The following ADAMDEC1 variants were observed in gnomAD, a reference collection of about 807,000 sequenced individuals.
The protein encoded by ADAMDEC1 is ADAM like decysin 1.
Under a neutral mutation model 60.4 loss-of-function variants are expected in ADAMDEC1, and 62 were observed. That is an observed-to-expected ratio of 1.03 (90% CI 0.84 to 1.27). The LOEUF is 1.27. Ranked by LOEUF, ADAMDEC1 falls within the 50% of genes most tolerant of loss-of-function variation. The pLI, the probability that ADAMDEC1 is intolerant of heterozygous loss-of-function variation, is 0.00. For missense variants in ADAMDEC1, 595 were observed against 565.0 expected, an observed-to-expected ratio of 1.05 and a Z score of -0.54; for synonymous variants, 210 against 195.1, an observed-to-expected ratio of 1.08 and a Z score of -0.64.
chr8:24,403,960 A>G, intron 12 of ADAMDEC1, 43 bp from the exon 13 acceptor site: 1 of 1,559,498 alleles, frequency 6.4e-7, no homozygotes, highest in Non-Finnish European at 8.8e-7. Flanking sequence ...TATGGGAAGA[A>G]AATGTTGAAC....
chr8:24,397,679 A>G lies in ADAMDEC1; in HGVS notation c.628-4A>G. 8 of 1,610,066 alleles carry G rather than the reference A, an allele frequency of 5.0e-6. No individual in the cohort carries two copies. Among genetic ancestry groups the G allele is most frequent in the Non-Finnish European group, 6.8e-6 (8 of 1,176,856 alleles). ...TTAACAATGTTCTTTTATTCTTTGT[A>G]AAGAAAGAAGACTTTCTTCGGGCAC... On this transcript the variant is annotated splice_region_variant and splice_polypyrimidine_tract_variant and intron_variant, in intron 6 of 13. Transcript: ENST00000256412.
intron 1 of ADAMDEC1, among the ~76,000 whole-genome samples, chr8:24,390,471 C>T (rs1283037240): frequency 1.3e-5 from 2 of 152,096 alleles, no homozygotes; most frequent in Non-Finnish European, 2.9e-5. Context: ...GCCTGTAATC[C>T]CAGCACTTTA....
chr8:24,384,760 G>A (rs1245648795), intron 1 of ADAMDEC1, among the ~76,000 whole-genome samples, 168 bp downstream of exon 1: 1 of 152,116 alleles, frequency 6.6e-6, no homozygotes, highest in Non-Finnish European at 1.5e-5. Flanking sequence ...ATATACATAA[G>A]TATGTGTATC....
chr8:24,402,134 T>G (rs1260556886), intron 12 of ADAMDEC1, 42 bp downstream of exon 12: 1 of 1,488,024 alleles, frequency 6.7e-7, no homozygotes, highest in Non-Finnish European at 9.0e-7. Flanking sequence ...AATTATGCAG[T>G]TTTCTTTTTG....
At chr8:24,387,418 T>C (rs939094149) in intron 1 of ADAMDEC1, 8 of 151,674 alleles carry the variant, frequency 5.3e-5, no homozygotes, top group African/African-American at 1.9e-4. Context: ...CTGTGTAGAG[T>C]GGGGACAAAG....
At position 24,394,010 on chromosome 8, in the gene ADAMDEC1, A is replaced by G. The variant is rs1035141829; in HGVS notation, c.285-59A>G. On this transcript the variant is annotated intron_variant, in intron 3 of 13. Coordinates refer to ENST00000256412, the MANE Select transcript of ADAMDEC1 (RefSeq NM_014479.3). ...TATCACTATTTTAGTGCTGAAGTTC[A>G]GGAAGTTCTGCCTTTCTTACCATCC... 188 of 1,156,696 alleles carry G rather than the reference A, an allele frequency of 1.6e-4. 3 individuals carry two copies. The South Asian group carries it at 1.7e-3, about 10-fold the overall frequency. The allele number at this position is 1,156,696 out of a possible 1,614,324, so 71.7% of individuals were successfully genotyped here.
intron 4 of ADAMDEC1, 47 bp from the exon 5 acceptor site, chr8:24,395,669 TACAC>T (rs3830352): frequency 9.5e-5 from 108 of 1,140,434 alleles, no homozygotes; most frequent in Middle Eastern, 5.0e-4. Context: ...CACACTCACA[TACAC>T]ACACACACAC....
At chr8:24,403,676 G>C (rs1034792770) in intron 12 of ADAMDEC1, among the ~76,000 whole-genome samples, 1 of 151,926 alleles carries the variant, frequency 6.6e-6, no homozygotes, top group Non-Finnish European at 1.5e-5. Context: ...CTTTTGAAAG[G>C]CTTTCTAAAT....
Position 24,395,831 on chromosome 8 carries a change from A to C in ADAMDEC1, c.440+35A>C. ...ACCATCAAAATTACTCAAGATCAAG[A>C]AGCTTTTTGTTACACAGAATTAAGG... On this transcript the variant is annotated intron_variant, in intron 5 of 13. Coordinates refer to ENST00000256412, the MANE Select transcript of ADAMDEC1 (RefSeq NM_014479.3). The C allele has an allele frequency of 2.6e-6, 4 of 1,535,454 alleles. No homozygotes were observed. In the African/African-American group the frequency reaches 4.1e-5, roughly 16 times the overall value.
rs777165062 is a variant in ADAMDEC1 at position 24,399,020 on chromosome 8, C to T, written c.909C>T (p.His303=). 56 of 1,612,996 alleles carry T rather than the reference C, an allele frequency of 3.5e-5. No homozygotes were observed. The highest frequency in any genetic ancestry group is 6.7e-5 in the African/African-American group (5 of 74,896). Residue 303 remains histidine (H), a synonymous_variant, in exon 9 of 14, where the codon CAC becomes CAT. Coordinates refer to ENST00000256412, the MANE Select transcript of ADAMDEC1 (RefSeq NM_014479.3). The stretch of plus-strand genomic sequence containing the variant: ...GTTCTAACCTGGGGAAAAAGATCCA[C>T]GACCATGCTCAGCTTCTCAGGTGAG... ...WHSSNLGKKI[H]DHAQLLSGIS... is the part of the protein sequence containing the mutation.
Position 24,384,481 on chromosome 8 carries a change from G to A in ADAMDEC1, c.-24G>A. 2 of 1,564,222 alleles carry A rather than the reference G, an allele frequency of 1.3e-6. No homozygotes were observed. The highest frequency in any genetic ancestry group is 2.4e-5 in the South Asian group (2 of 83,934). On this transcript the variant is annotated 5_prime_UTR_variant, in exon 1 of 14. Transcript: ENST00000256412. ...AAGAGAAATTGGAGAAGATAAAACTGGACACTGGGGAGACCACAACTTCAT... is the reference window on the plus strand; with the variant it reads ...AAGAGAAATTGGAGAAGATAAAACTAGACACTGGGGAGACCACAACTTCAT...
At chr8:24,396,236 T>C (rs1342336170) in intron 5 of ADAMDEC1, among the ~76,000 whole-genome samples, 6 of 152,034 alleles carry the variant, frequency 3.9e-5, no homozygotes, top group South Asian at 2.1e-4. Flanking sequence ...ACAGGCCGGG[T>C]GCGGTGGCTC....
rs144838009 is a variant in ADAMDEC1 at position 24,393,154 on chromosome 8, T to C, written c.208-108T>C. ...TATTTTAAAAACACAAAAGAATTGC[T>C]TTTATCCTATATGCATTTGTAATTG... On this transcript the variant is annotated intron_variant, in intron 2 of 13. Transcript: ENST00000256412. 2.8e-4 allele frequency: 173 copies of C among 623,838 alleles called. 1 individual carries two copies. In the African/African-American group the frequency reaches 2.8e-3, roughly 10 times the overall value. The allele number at this position is 623,838 out of a possible 1,614,324, so 38.6% of individuals were successfully genotyped here.
intron 1 of ADAMDEC1, among the ~76,000 whole-genome samples, chr8:24,388,233 C>T (rs578068659): frequency 1.3e-5 from 2 of 152,206 alleles, no homozygotes; most frequent in Non-Finnish European, 2.9e-5. Context: ...AGTAGGTTTG[C>T]GTCCTTTCCC....
Position 24,403,988 on chromosome 8 carries a change from G to A in ADAMDEC1, c.1321-15G>A, listed in dbSNP as rs779370038. 1.2e-6 allele frequency: 2 copies of A among 1,609,546 alleles called. No homozygotes were observed. Among genetic ancestry groups the A allele is most frequent in the Non-Finnish European group, 1.7e-6 (2 of 1,176,942 alleles). ...TGTTGAACCCACCTTTTTCCATTGT[G>A]TGTGTGCTTTGAAGGAGTGTACCAA... On this transcript the variant is annotated splice_polypyrimidine_tract_variant and intron_variant, in intron 12 of 13. Coordinates refer to ENST00000256412, the MANE Select transcript of ADAMDEC1 (RefSeq NM_014479.3).
chr8:24,400,234 G>C lies in ADAMDEC1; in HGVS notation c.1076G>C (p.Gly359Ala). The change falls in exon 11 of 14, where the codon GGT becomes GCT. Residue 359 changes from glycine to alanine, a missense_variant. Physicochemically the swap from Gly to Ala is moderately conservative, Grantham distance 60. Transcript: ENST00000256412. ...VMSHELGHVLGMPDVPFNTKC... is the reference protein window; with the variant it reads ...VMSHELGHVLAMPDVPFNTKC... ...TCACATGAGCTGGGCCATGTCCTTGGTATGCCTGATGTTCCATTCAACACC... is the reference window on the plus strand; with the variant it reads ...TCACATGAGCTGGGCCATGTCCTTGCTATGCCTGATGTTCCATTCAACACC... 1 of 1,612,270 alleles carries C rather than the reference G, an allele frequency of 6.2e-7. No homozygotes were observed. The highest frequency in any genetic ancestry group is 8.5e-7 in the Non-Finnish European group (1 of 1,179,010).
intron 12 of ADAMDEC1, among the ~76,000 whole-genome samples, chr8:24,403,279 T>C (rs944359321): frequency 2.6e-5 from 4 of 152,138 alleles, no homozygotes; most frequent in Non-Finnish European, 5.9e-5. Flanking sequence ...GTATGTATAC[T>C]TCATACAGTA....
At chr8:24,403,634 G>T (rs1817818835) in intron 12 of ADAMDEC1, among the ~76,000 whole-genome samples, 1 of 152,074 alleles carries the variant, frequency 6.6e-6, no homozygotes, top group Admixed American at 6.6e-5. Context: ...CTCAGGAAAT[G>T]TATATATAAA....
At position 24,400,320 on chromosome 8, in the gene ADAMDEC1, A is replaced by G. The variant is rs370138921; in HGVS notation, c.1142+20A>G. 6.3e-7 allele frequency: 1 copy of G among 1,579,304 alleles called. No homozygotes were observed. Among genetic ancestry groups the G allele is most frequent in the Non-Finnish European group, 8.6e-7 (1 of 1,168,854 alleles). On this transcript the variant is annotated intron_variant, in intron 11 of 13. Coordinates refer to ENST00000256412, the MANE Select transcript of ADAMDEC1 (RefSeq NM_014479.3). Reference sequence around the variant, plus strand: ...TCTGAGGTGAGACCTTGTCATCCTAAAAGGAGAGAGATATTTTCCAAATCT... The same window carrying G: ...TCTGAGGTGAGACCTTGTCATCCTAGAAGGAGAGAGATATTTTCCAAATCT...
Sources: gnomAD v4.1 joint callset for allele counts (sites outside exome capture counted in the v4.1 genomes callset) on GRCh38, gnomAD v4.1.1 for gene constraint, MANE v1.5 for transcripts, NCBI Gene and HGNC (gene_info 2026-07-23, HGNC 2026-07-21) for gene names.